NOL7: variants seen among roughly 807,000 people sequenced by gnomAD.
The protein encoded by NOL7 is nucleolar protein 7, also known as U3 small nucleolar RNA-associated protein NOL7.
Under a neutral mutation model 38.4 loss-of-function variants are expected in NOL7, and 36 were observed. That is an observed-to-expected ratio of 0.94 (90% CI 0.72 to 1.24). NOL7 has a LOEUF of 1.24. Ranked by LOEUF, NOL7 falls within the 50% of genes most tolerant of loss-of-function variation. The pLI is 0.00. For missense variants in NOL7, 350 were observed against 315.1 expected (o/e 1.11, Z -0.84); for synonymous variants, 142 against 126.5 (o/e 1.12, Z -0.82).
intron 8 of NOL7, among the ~76,000 whole-genome samples, chr6:13,628,270 T>C (rs1410376764): frequency 6.6e-6 from 1 of 152,184 alleles, no homozygotes; most frequent in Non-Finnish European, 1.5e-5. Flanking sequence ...CAGTTCAACA[T>C]ACAGCTGTCA....
Position 13,618,872 on chromosome 6 carries a change from C to G in NOL7, c.500+733C>G, listed in dbSNP as rs143821123. Among the ~76,000 whole-genome samples, 500 of 152,182 alleles carry G rather than the reference C, an allele frequency of 3.3e-3. 4 individuals are homozygous for G. The highest frequency in any genetic ancestry group is 0.026 in the East Asian group (133 of 5,170). ...TGCCACTGCACTACAGCCTGAGCGA[C>G]AGAGTGAGACCCTGTCTCAAAAAAA... On this transcript the variant is annotated intron_variant, in intron 5 of 7. Coordinates refer to ENST00000451315, the MANE Select transcript of NOL7 (RefSeq NM_016167.5).
intron 3 of NOL7, among the ~76,000 whole-genome samples, chr6:13,617,106 T>A (rs1287328851): frequency 6.6e-6 from 1 of 152,154 alleles, no homozygotes; most frequent in Admixed American, 6.5e-5. Context: ...CCAGTGACTC[T>A]CAAGTTTTCA....
chr6:13,623,997 T>C (rs941465940), downstream of NOL7, among the ~76,000 whole-genome samples: 4 of 152,168 alleles, frequency 2.6e-5, no homozygotes, highest in African/African-American at 9.7e-5. Flanking sequence ...ACAATATAAC[T>C]TCAAAAAGAC....
chr6:13,618,844 T>C (rs1184415675), intron 5 of NOL7, among the ~76,000 whole-genome samples: 1 of 152,178 alleles, frequency 6.6e-6, no homozygotes, highest in Non-Finnish European at 1.5e-5. Flanking sequence ...TGAGGCGAGA[T>C]TGTGCCACTG....
At chr6:13,625,830 C>G (rs943963099), downstream of NOL7, 70 of 1,192,164 alleles carry the variant, frequency 5.9e-5, no homozygotes, top group Admixed American at 1.2e-3. Flanking sequence ...CAAATGTTTC[C>G]AAGTTGAGAG....
At chr6:13,627,531 G>A (rs1325369879) in intron 8 of NOL7, among the ~76,000 whole-genome samples, 2 of 150,354 alleles carry the variant, frequency 1.3e-5, no homozygotes, top group Non-Finnish European at 3.0e-5. Flanking sequence ...TCGGGAGGCT[G>A]AGGCAGGAGA....
At chr6:13,623,140 C>T (rs79535130), downstream of NOL7, among the ~76,000 whole-genome samples, 791 of 152,232 alleles carry the variant, frequency 5.2e-3, 4 homozygotes, top group African/African-American at 0.018. Flanking sequence ...CTTTGTCAGA[C>T]ATTTGTAGTA....
intron 3 of NOL7, 95 bp from the exon 4 acceptor site, chr6:13,617,675 G>A (rs572203521): frequency 8.7e-7 from 1 of 1,144,444 alleles, no homozygotes; most frequent in East Asian, 2.4e-5. Flanking sequence ...TAATGAAAGG[G>A]GGTGTCTTAC....
intron 2 of NOL7, 73 bp downstream of exon 2, chr6:13,615,845 TG>T: frequency 6.8e-7 from 1 of 1,463,864 alleles, no homozygotes; most frequent in Non-Finnish European, 9.3e-7. Flanking sequence ...GGATGTAATT[TG>T]GGTTGGCAGG....
At chr6:13,629,754 T>C (rs938256558) in intron 8 of NOL7, among the ~76,000 whole-genome samples, 2 of 152,176 alleles carry the variant, frequency 1.3e-5, no homozygotes, top group South Asian at 2.1e-4. Flanking sequence ...CTGGAAGACG[T>C]AGGCAGATAA....
rs540531465 is a variant in NOL7 at position 13,628,251 on chromosome 6, T to C, written n.574-4142T>C. ...TCTAAAATTTTTCTCTGGTATTTCATTTTCAGTACAGTTCAACATACAGCT... is the reference window on the plus strand; with the variant it reads ...TCTAAAATTTTTCTCTGGTATTTCACTTTCAGTACAGTTCAACATACAGCT... On this transcript the variant is annotated intron_variant and non_coding_transcript_variant, in intron 8 of 8. Transcript: ENST00000474485. Among the ~76,000 whole-genome samples the C allele has an allele frequency of 1.8e-4, 28 of 152,322 alleles. No homozygotes were observed. The South Asian group carries it at 5.8e-3, about 32-fold the overall frequency.
At chr6:13,617,902 C>A in intron 4 of NOL7, 101 bp downstream of exon 4, 1 of 1,246,240 alleles carries the variant, frequency 8.0e-7, no homozygotes, top group Non-Finnish European at 1.2e-6. Context: ...CCAGCATGGG[C>A]CTGGCCAAGG....
At chr6:13,621,952 T>G (rs1171525072), downstream of NOL7, 1 of 153,984 alleles carries the variant, frequency 6.5e-6, no homozygotes, top group Non-Finnish European at 1.4e-5. Flanking sequence ...TATATGGGAG[T>G]GGGGGTCGGA....
At chr6:13,628,427 C>A (rs778192862) in intron 8 of NOL7, among the ~76,000 whole-genome samples, 20 of 152,116 alleles carry the variant, frequency 1.3e-4, no homozygotes, top group Admixed American at 2.0e-4. Context: ...TGGTTGGAAA[C>A]ATGGGTAGGG....
rs79863768 is a variant in NOL7 at position 13,616,659 on chromosome 6, A to G, written c.386+138A>G. The G allele has an allele frequency of 2.2e-3, 1,356 of 602,802 alleles. 13 individuals are homozygous for G. The African/African-American group carries it at 0.023, about 10-fold the overall frequency. 37.3% of individuals were successfully genotyped at this position (602,802 alleles called of 1,614,324 possible). The stretch of plus-strand genomic sequence containing the variant: ...AAAGCTACCTTGGTATATGAATTTG[A>G]TGGGAAAGACGGAGGTAACGTTCTA... On this transcript the variant is annotated intron_variant, in intron 3 of 7. Transcript: ENST00000451315.
chr6:13,630,335 C>CT (rs1438156592), intron 8 of NOL7, among the ~76,000 whole-genome samples: 2 of 152,104 alleles, frequency 1.3e-5, no homozygotes, highest in African/African-American at 4.8e-5. Context: ...CAAGGAATAT[C>CT]TTTGAGAATT....
At chr6:13,624,332 A>G (rs1335678598), downstream of NOL7, among the ~76,000 whole-genome samples, 1 of 152,144 alleles carries the variant, frequency 6.6e-6, no homozygotes, top group Non-Finnish European at 1.5e-5. Context: ...AAGTCTCCCT[A>G]TCTAAACTAC....
At chr6:13,618,447 C>A (rs1263200758) in intron 5 of NOL7, among the ~76,000 whole-genome samples, 8 of 151,446 alleles carry the variant, frequency 5.3e-5, no homozygotes, top group Non-Finnish European at 1.0e-4. Context: ...CGGGGTTTCA[C>A]CTTGTTAGCC....
downstream of NOL7, among the ~76,000 whole-genome samples, chr6:13,623,725 T>TAAAC (rs1764523461): frequency 6.6e-6 from 1 of 152,284 alleles, no homozygotes; most frequent in East Asian, 1.9e-4. Flanking sequence ...ATGGTATTTA[T>TAAAC]AAACATATAC....
Sources: gnomAD v4.1 joint callset for allele counts (sites outside exome capture counted in the v4.1 genomes callset) on GRCh38, gnomAD v4.1.1 for gene constraint, MANE v1.5 for transcripts, NCBI Gene and HGNC (gene_info 2026-07-23, HGNC 2026-07-21) for gene names.